SCN7A: variants seen among roughly 807,000 people sequenced by gnomAD.
SCN7A encodes sodium channel protein type 7 subunit alpha.
Under a neutral mutation model 155.2 loss-of-function variants are expected in SCN7A, and 138 were observed. The observed-to-expected ratio is 0.89, with a 90% CI of 0.77 to 1.02. The LOEUF (loss-of-function observed/expected upper bound fraction) is 1.02, where lower values mean the gene tolerates loss of function less well. SCN7A is among the 50% of genes least tolerant of loss of function. The pLI, the probability that SCN7A is intolerant of heterozygous loss-of-function variation, is 0.00. For synonymous variants in SCN7A, 693 were observed against 649.0 expected, an observed-to-expected ratio of 1.07 and a Z score of -1.03; for missense variants, 2,058 against 1,986.6, an observed-to-expected ratio of 1.04 and a Z score of -0.68.
At chr2:166,439,053 G>GTATATACATATATATATA (rs1283353813) in intron 15 of SCN7A, among the ~76,000 whole-genome samples, 1 of 86,108 alleles carries the variant, frequency 1.2e-5, no homozygotes, top group African/African-American at 5.4e-5. Flanking sequence ...GTGTGTGTGT[G>GTATATACATATATATATA]TGTATATATA....
At chr2:166,412,699 T>C (rs1423496933) in intron 22 of SCN7A, 32 bp from the exon 23 acceptor site, 8 of 1,466,288 alleles carry the variant, frequency 5.5e-6, no homozygotes, top group Middle Eastern at 2.0e-4. Flanking sequence ...ATTATTGATA[T>C]TGGCTTTTTA....
Position 166,465,991 on chromosome 2 carries a change from G to T in SCN7A, c.665-4C>A. 2 of 1,599,842 alleles carry T rather than the reference G, an allele frequency of 1.3e-6. No individual in the cohort carries two copies. The highest frequency in any genetic ancestry group is 1.7e-6 in the Non-Finnish European group (2 of 1,172,016). ...ACCCCTACAAGGGATTTCAGACCTG[G>T]AAAGAGAAACATTTGTTTTCGAAAT... On this transcript the variant is annotated splice_polypyrimidine_tract_variant and splice_region_variant and intron_variant, in intron 7 of 25. Coordinates refer to ENST00000643258, the MANE Select transcript of SCN7A (RefSeq NM_002976.4).
chr2:166,444,909 T>C lies in SCN7A; in HGVS notation c.1479A>G (p.Lys493=), dbSNP rs757319112. 10 of 1,613,502 alleles carry C rather than the reference T, an allele frequency of 6.2e-6. No homozygotes were observed. Among genetic ancestry groups the C allele is most frequent in the Middle Eastern group, 1.7e-4 (1 of 6,058 alleles). The change falls in exon 13 of 26, where the codon AAA becomes AAG. Residue 493 remains lysine, a synonymous_variant. Transcript: ENST00000643258. ...TAATCCTATGGACAAACTCTTTCAA[T>C]TTTAACCAACAGGGAGAACAATTCC... is the stretch of plus-strand genomic sequence containing the variant. ...LIWNCSPCWL[K]LKEFVHRIIM... is the part of the protein sequence containing the mutation.
intron 7 of SCN7A, among the ~76,000 whole-genome samples, chr2:166,466,365 C>T (rs866655247): frequency 9.9e-5 from 15 of 151,966 alleles, no homozygotes; most frequent in South Asian, 2.1e-4. Context: ...AAAAAAGAAA[C>T]AGTTTGAAAC....
At chr2:166,441,111 C>A in intron 15 of SCN7A, 1 of 423,998 alleles carries the variant, frequency 2.4e-6, no homozygotes, top group Non-Finnish European at 4.1e-6. Flanking sequence ...TAAGGAGGAC[C>A]TACTATATTA....
chr2:166,405,507 C>G lies in SCN7A; in HGVS notation c.*73G>C. The G allele has an allele frequency of 4.4e-6, 5 of 1,127,166 alleles. No individual in the cohort carries two copies. Among genetic ancestry groups the G allele is most frequent in the Non-Finnish European group, 5.0e-6 (4 of 792,644 alleles). The allele number at this position is 1,127,166 out of a possible 1,614,324, so 69.8% of individuals were successfully genotyped here. On this transcript the variant is annotated 3_prime_UTR_variant, in exon 26 of 26. Coordinates refer to ENST00000643258, the MANE Select transcript of SCN7A (RefSeq NM_002976.4). ...AGAACTGATTATTATCTCTACTTTTCTTTTATTCCTGGCTTAGGCTTTCAA... is the reference window on the plus strand; with the variant it reads ...AGAACTGATTATTATCTCTACTTTTGTTTTATTCCTGGCTTAGGCTTTCAA...
chr2:166,406,882 G>A (rs890412821), intron 25 of SCN7A, among the ~76,000 whole-genome samples: 4 of 151,890 alleles, frequency 2.6e-5, no homozygotes, highest in African/African-American at 7.2e-5. Flanking sequence ...TTATTTTTCT[G>A]TAACATCATC....
chr2:166,491,072 G>T (rs1683091126), intron 1 of SCN7A, among the ~76,000 whole-genome samples: 1 of 152,190 alleles, frequency 6.6e-6, no homozygotes, highest in Non-Finnish European at 1.5e-5. Flanking sequence ...AGAGTGAGCA[G>T]CTGGTGGACT....
At chr2:166,481,712 C>A (rs895572052) in intron 2 of SCN7A, among the ~76,000 whole-genome samples, 3 of 152,060 alleles carry the variant, frequency 2.0e-5, no homozygotes, top group African/African-American at 4.8e-5. Flanking sequence ...TCAAATGGAA[C>A]CAGAAGGTTG....
intron 1 of SCN7A, among the ~76,000 whole-genome samples, chr2:166,488,548 A>G (rs13411795): frequency 0.11 from 17,278 of 152,126 alleles, 1,383 homozygotes; most frequent in African/African-American, 0.21. Flanking sequence ...AGGCTGGGAT[A>G]TGGAGGCAAA....
rs978194870 is a variant in SCN7A, at chr2:166,429,401, A to G, written c.2593-127T>C. On this transcript the variant is annotated intron_variant, in intron 16 of 25. Transcript: ENST00000643258. ...GAAATAATATTATTAGGTTTAAAAG[A>G]CTTAAGGCCAATTTCATGACTGAGA... The G allele has an allele frequency of 7.0e-5, 43 of 618,330 alleles. No individual in the cohort carries two copies. The South Asian group carries it at 8.8e-4, about 13-fold the overall frequency. The allele number at this position is 618,330 out of a possible 1,614,324, so 38.3% of individuals were successfully genotyped here.
intron 1 of SCN7A, among the ~76,000 whole-genome samples, chr2:166,490,229 C>T (rs1683059531): frequency 6.6e-6 from 1 of 152,090 alleles, no homozygotes; most frequent in Non-Finnish European, 1.5e-5. Context: ...ATTTTGCACA[C>T]TTTGACCAAC....
intron 18 of SCN7A, 62 bp from the exon 19 acceptor site, chr2:166,423,494 A>T: frequency 6.9e-7 from 1 of 1,439,128 alleles, no homozygotes; most frequent in Non-Finnish European, 9.1e-7. Flanking sequence ...AACTCTTTTG[A>T]CATAAAAGCG....
Position 166,405,667 on chromosome 2 carries a change from T to C in SCN7A, c.4962A>G (p.Ile1654Met), listed in dbSNP as rs1559081872. Residue 1654 changes from isoleucine to methionine, a missense_variant, in exon 26 of 26, where the codon ATA (isoleucine) becomes ATG (methionine). Transcript: ENST00000643258. ...TAGCATGAACATCTCTGTCACCATCTATCATATGAATATCTGATGTATTTT... is the reference window on the plus strand; with the variant it reads ...TAGCATGAACATCTCTGTCACCATCCATCATATGAATATCTGATGTATTTT... Reference protein sequence around the residue: ...NDKNTSDIHMIDGDRDVHATK... With the variant: ...NDKNTSDIHMMDGDRDVHATK... The C allele has an allele frequency of 6.2e-7, 1 of 1,612,820 alleles. No homozygotes were observed. Among genetic ancestry groups the C allele is most frequent in the South Asian group, 1.1e-5 (1 of 91,020 alleles).
chr2:166,466,994 A>G (rs1002636696), intron 7 of SCN7A, among the ~76,000 whole-genome samples: 1 of 151,988 alleles, frequency 6.6e-6, no homozygotes, highest in African/African-American at 2.4e-5. Flanking sequence ...TAGATTAAAT[A>G]TACAATTTTA....
intron 20 of SCN7A, among the ~76,000 whole-genome samples, chr2:166,418,447 C>T (rs1701438932): frequency 6.6e-6 from 1 of 151,172 alleles, no homozygotes; most frequent in South Asian, 2.1e-4. Context: ...TAATTTTATA[C>T]TTTTGATTTC....
At chr2:166,461,727 G>C (rs1443748627) in intron 10 of SCN7A, 2 of 152,116 alleles carry the variant, frequency 1.3e-5, no homozygotes, top group East Asian at 3.9e-4. Flanking sequence ...TGAGATCTGG[G>C]AGGTTCAACT....
At chr2:166,423,753 G>A (rs1701562430) in intron 18 of SCN7A, among the ~76,000 whole-genome samples, 1 of 152,018 alleles carries the variant, frequency 6.6e-6, no homozygotes, top group African/African-American at 2.4e-5. Context: ...TAACACAAGA[G>A]TCAAAACCTT....
intron 2 of SCN7A, among the ~76,000 whole-genome samples, chr2:166,478,691 C>A (rs1231914412): frequency 6.6e-6 from 1 of 151,860 alleles, no homozygotes; most frequent in Non-Finnish European, 1.5e-5. Flanking sequence ...AATTTTCTTT[C>A]AATAATTTTC....
Sources: gnomAD v4.1 joint callset for allele counts (sites outside exome capture counted in the v4.1 genomes callset) on GRCh38, gnomAD v4.1.1 for gene constraint, MANE v1.5 for transcripts, NCBI Gene and HGNC (gene_info 2026-07-23, HGNC 2026-07-21) for gene names.